Variants in FAM124A observed in about 807,000 individuals in gnomAD.
FAM124A encodes the protein protein FAM124A.
In FAM124A, 23 loss-of-function variants were observed where a neutral mutation model predicts 24.5. The ratio of observed to expected loss-of-function variants is 0.94; its 90% CI spans 0.68 to 1.33. The LOEUF (loss-of-function observed/expected upper bound fraction) is 1.33. Among genes scored for constraint, FAM124A ranks in the 40% most tolerant of loss-of-function variants. The probability of loss-of-function intolerance (pLI) is 0.00; values close to 1 mark genes in which losing one functional copy is unlikely to be tolerated. For synonymous variants in FAM124A, 287 were observed against 314.7 expected (o/e 0.91, Z 0.93); for missense variants, 623 against 722.8 (o/e 0.86, Z 1.58).
chr13:51,247,207 C>A (rs778063540), intron 2 of FAM124A, among the ~76,000 whole-genome samples: 2 of 152,166 alleles, frequency 1.3e-5, no homozygotes, highest in African/African-American at 2.4e-5. Flanking sequence ...GCTGCCGTGG[C>A]CACACATGGA....
At chr13:51,231,315 G>T (rs748833789) in intron 1 of FAM124A, 33 bp from the exon 2 acceptor site, 31 of 1,613,206 alleles carry the variant, frequency 1.9e-5, no homozygotes, top group Non-Finnish European at 2.5e-5. Context: ...TTTGGATAAA[G>T]AATTCTACTA....
intron 1 of FAM124A, among the ~76,000 whole-genome samples, chr13:51,230,114 G>A (rs536025225): frequency 1.3e-5 from 2 of 152,200 alleles, no homozygotes; most frequent in South Asian, 4.2e-4. Context: ...AATATATAAA[G>A]GGATATGCAA....
intron 3 of FAM124A, among the ~76,000 whole-genome samples, chr13:51,279,768 C>T (rs941482886): frequency 6.6e-6 from 1 of 152,176 alleles, no homozygotes; most frequent in Non-Finnish European, 1.5e-5. Flanking sequence ...GGCGGCAGCT[C>T]CCTTTCCTGT....
chr13:51,256,673 G>T (rs938668377), intron 3 of FAM124A, among the ~76,000 whole-genome samples: 9 of 152,270 alleles, frequency 5.9e-5, no homozygotes, highest in African/African-American at 2.2e-4. Flanking sequence ...GACTTATTTT[G>T]TAATTGTTAA....
Position 51,251,464 on chromosome 13 carries a change from C to G in FAM124A, c.101-4C>G, listed in dbSNP as rs1329681206. 17 of 1,497,922 alleles carry G rather than the reference C, an allele frequency of 1.1e-5. No individual in the cohort carries two copies. The highest frequency in any genetic ancestry group is 1.5e-5 in the Non-Finnish European group (17 of 1,123,146). The allele number at this position is 1,497,922 out of a possible 1,614,324, so 92.8% of individuals were successfully genotyped here. ...TCATCCATTCGTTTTTTGCGTGCCC[C>G]CAGGTGAGCTTTCCGTTGAAGAGGC... On this transcript the variant is annotated splice_polypyrimidine_tract_variant and splice_region_variant and intron_variant, in intron 2 of 3. Transcript: ENST00000322475. This position sits in a 1 kb window ranked among gnomAD's most constrained non-coding sequence, Gnocchi z 5.3.
intron 1 of FAM124A, among the ~76,000 whole-genome samples, chr13:51,229,434 C>T (rs573316773): frequency 6.6e-6 from 1 of 152,260 alleles, no homozygotes; most frequent in African/African-American, 2.4e-5. Flanking sequence ...AGCACCTGTC[C>T]CAAGACACTA....
chr13:51,237,548 G>A (rs1201269638), intron 2 of FAM124A, among the ~76,000 whole-genome samples: 1 of 152,082 alleles, frequency 6.6e-6, no homozygotes, highest in African/African-American at 2.4e-5. Context: ...TGCAGCCCTG[G>A]ATCGGGTTCT....
intron 3 of FAM124A, among the ~76,000 whole-genome samples, chr13:51,274,455 G>C (rs929768928): frequency 6.6e-6 from 1 of 152,182 alleles, no homozygotes; most frequent in East Asian, 1.9e-4. Context: ...TTTCAGATTT[G>C]GGATTAGGAA....
chr13:51,281,239 G>A lies in FAM124A; in HGVS notation c.1624G>A (p.Glu542Lys), dbSNP rs1395697844. The part of the protein sequence containing the change: ...GSAGPGDNDM[E>K]EFYI ...GGCTGGCCCCGGGGATAACGACATG[G>A]AGGAATTCTACATCTGAATGCCCTC... Residue 542 changes from glutamate (E) to lysine (K), a missense_variant, in exon 4 of 4, where the codon GAG becomes AAG. Physicochemically the swap from Glu to Lys is moderately conservative, Grantham distance 56. Transcript: ENST00000322475. 6.3e-7 allele frequency: 1 copy of A among 1,575,134 alleles called. No homozygotes were observed. Among genetic ancestry groups the A allele is most frequent in the Non-Finnish European group, 8.6e-7 (1 of 1,163,760 alleles).
At chr13:51,264,354 A>G (rs1954764980) in intron 3 of FAM124A, among the ~76,000 whole-genome samples, 2 of 152,160 alleles carry the variant, frequency 1.3e-5, no homozygotes, top group Non-Finnish European at 2.9e-5. Flanking sequence ...TTCACCTTGT[A>G]CATCCTCGGA....
At chr13:51,231,410 G>T in intron 2 of FAM124A, 31 bp downstream of exon 2, 1 of 1,612,588 alleles carries the variant, frequency 6.2e-7, no homozygotes, top group Non-Finnish European at 8.5e-7. Flanking sequence ...CTTCAGCATT[G>T]TCTAACGGTC....
chr13:51,252,311 A>G (rs764019424), intron 3 of FAM124A, 110 bp downstream of exon 3: 3 of 1,418,392 alleles, frequency 2.1e-6, no homozygotes, highest in African/African-American at 1.4e-5. Context: ...AGGAGAGATC[A>G]GTGACCCTCT....
chr13:51,232,685 G>T (rs991267324), intron 2 of FAM124A, among the ~76,000 whole-genome samples: 1 of 152,108 alleles, frequency 6.6e-6, no homozygotes, highest in East Asian at 1.9e-4. Flanking sequence ...ATTCCCCAAA[G>T]CTCCTGCATT....
chr13:51,265,477 G>T (rs1954776447), intron 3 of FAM124A, among the ~76,000 whole-genome samples: 1 of 152,130 alleles, frequency 6.6e-6, no homozygotes, highest in South Asian at 2.1e-4. Context: ...GGCTGCTTCT[G>T]CATTTCCACC....
chr13:51,236,774 C>T (rs1303097503), intron 2 of FAM124A, among the ~76,000 whole-genome samples: 1 of 151,976 alleles, frequency 6.6e-6, no homozygotes, highest in Non-Finnish European at 1.5e-5. Flanking sequence ...ATCACATCTC[C>T]AAAAAAGGAA....
intron 2 of FAM124A, among the ~76,000 whole-genome samples, chr13:51,237,618 TG>T (rs1350228111): frequency 6.6e-6 from 1 of 152,224 alleles, no homozygotes; most frequent in Non-Finnish European, 1.5e-5. Flanking sequence ...TCTTGGTGTG[TG>T]GCCATGGCTG....
chr13:51,243,090 A>G (rs1376438868), intron 2 of FAM124A, among the ~76,000 whole-genome samples: 1 of 152,224 alleles, frequency 6.6e-6, no homozygotes, highest in Non-Finnish European at 1.5e-5. Context: ...TTGGATCTCC[A>G]TGTTAAAAAT....
intron 3 of FAM124A, among the ~76,000 whole-genome samples, chr13:51,264,399 A>G (rs2137696162): frequency 6.6e-6 from 1 of 152,286 alleles, no homozygotes; most frequent in Admixed American, 6.5e-5. Context: ...GCCCCTCTGC[A>G]TCAGTCCCTC....
rs1002577783 is a variant in FAM124A at position 51,281,352 on chromosome 13, G to T, written c.*96G>T. ...CCACTGAGCACACCACATTCTTCAT[G>T]ATCCATTTCCCAGGAGCCCGTAGCA... On this transcript the variant is annotated 3_prime_UTR_variant, in exon 4 of 4. Coordinates refer to ENST00000322475, the MANE Select transcript of FAM124A (RefSeq NM_001242312.2). 3 of 1,252,734 alleles carry T rather than the reference G, an allele frequency of 2.4e-6. No homozygotes were observed. Among genetic ancestry groups the T allele is most frequent in the Non-Finnish European group, 3.2e-6 (3 of 931,802 alleles). 77.6% of individuals were successfully genotyped at this position (1,252,734 alleles called of 1,614,324 possible). A position where few individuals can be genotyped will look rare whatever the true frequency, so the allele number is the denominator to read the frequency against.
Sources: allele counts gnomAD v4.1 joint callset (sites outside exome capture counted in the v4.1 genomes callset), GRCh38; gene constraint gnomAD v4.1.1; non-coding constraint Gnocchi (gnomAD v3.1); transcripts MANE v1.5; gene names NCBI Gene and HGNC (gene_info 2026-07-23, HGNC 2026-07-21).